RPS27: variants seen among roughly 807,000 people sequenced by gnomAD.
RPS27 encodes small ribosomal subunit protein eS27.
In RPS27, 1 loss-of-function variant was observed where a neutral mutation model predicts 11.8. That is an observed-to-expected ratio of 0.08 (90% CI 0.03 to 0.40). RPS27 has a LOEUF of 0.40. RPS27 is among the 10% of genes least tolerant of loss of function. The pLI is 0.98. For missense variants in RPS27, 44 were observed against 100.1 expected, an observed-to-expected ratio of 0.44 and a Z score of 2.39; for synonymous variants, 42 against 33.8, an observed-to-expected ratio of 1.24 and a Z score of -0.84.
Position 153,991,924 on chromosome 1 carries a change from G to A in RPS27, c.227-141G>A, listed in dbSNP as rs1649432668. On this transcript the variant is annotated intron_variant, in intron 3 of 3. Coordinates refer to ENST00000651669, the MANE Select transcript of RPS27 (RefSeq NM_001030.6). ...CTTAAGTTGATAGGAAGTAACCAGT[G>A]ATACAAATGCGCAGGTAGCTAAGAG... 6.1e-6 allele frequency: 5 copies of A among 825,724 alleles called. No individual in the cohort carries two copies. In the South Asian group the frequency reaches 7.4e-5, roughly 12 times the overall value. The allele number at this position is 825,724 out of a possible 1,614,324, so 51.1% of individuals were successfully genotyped here. A position where few individuals can be genotyped will look rare whatever the true frequency, so the allele number is the denominator to read the frequency against.
intron 2 of RPS27, 29 bp from the exon 3 acceptor site, chr1:153,991,537 G>GA: frequency 3.2e-6 from 5 of 1,559,182 alleles, no homozygotes; most frequent in East Asian, 4.5e-5. Flanking sequence ...TGTAATAGAG[G>GA]AAAAAAATGT....
At chr1:153,991,482 C>T in intron 2 of RPS27, 84 bp from the exon 3 acceptor site, 1 of 1,357,846 alleles carries the variant, frequency 7.4e-7, no homozygotes, top group South Asian at 1.2e-5. Flanking sequence ...TGTTGGGAAA[C>T]AATGTAATGG....
In RPS27 at chr1:153,992,023, C is replaced by G. The variant is rs369917516; in HGVS notation, c.227-42C>G. 2.5e-6 allele frequency: 4 copies of G among 1,596,654 alleles called. No homozygotes were observed. The African/African-American group carries it at 5.4e-5, about 21-fold the overall frequency. On this transcript the variant is annotated intron_variant, in intron 3 of 3. Transcript: ENST00000651669. Reference sequence around the variant, plus strand: ...TTTTTTGGGAGAGGTGGGCAGAATACCTGTACTGATGACAGCTAATCTCTG... The same window carrying G: ...TTTTTTGGGAGAGGTGGGCAGAATAGCTGTACTGATGACAGCTAATCTCTG...
At position 153,990,925 on chromosome 1, in the gene RPS27, C is replaced by A. The variant is rs1649360602; in HGVS notation, c.6+123C>A. On this transcript the variant is annotated intron_variant, in intron 1 of 3. Transcript: ENST00000651669. ...TCTGCACTTCTTAGGACATTAACTCCAGGGACCGCAGCGGCCCACGGGCCA... is the reference window on the plus strand; with the variant it reads ...TCTGCACTTCTTAGGACATTAACTCAAGGGACCGCAGCGGCCCACGGGCCA... 2.8e-6 allele frequency: 4 copies of A among 1,431,254 alleles called. No individual in the cohort carries two copies. In the East Asian group the frequency reaches 9.2e-5, roughly 33 times the overall value. The allele number at this position is 1,431,254 out of a possible 1,614,324, so 88.7% of individuals were successfully genotyped here. A position where few individuals can be genotyped will look rare whatever the true frequency, so the allele number is the denominator to read the frequency against.
In RPS27 at chr1:153,991,563, C is replaced by A. The variant is rs764487569; in HGVS notation, c.116-3C>A. Reference sequence around the variant, plus strand: ...AAAAAAATGTTATCTGCTTTTCTTTCAGGATGCTATAAAATCACCACGGTC... The same window carrying A: ...AAAAAAATGTTATCTGCTTTTCTTTAAGGATGCTATAAAATCACCACGGTC... On this transcript the variant is annotated splice_polypyrimidine_tract_variant and splice_region_variant and intron_variant, in intron 2 of 3. Coordinates refer to ENST00000651669, the MANE Select transcript of RPS27 (RefSeq NM_001030.6). 2.5e-6 allele frequency: 4 copies of A among 1,607,802 alleles called. No individual in the cohort carries two copies. The highest frequency in any genetic ancestry group is 2.2e-5 in the East Asian group (1 of 44,846).
chr1:153,991,807 G>C, intron 3 of RPS27, 131 bp downstream of exon 3: 2 of 695,314 alleles, frequency 2.9e-6, no homozygotes, highest in Admixed American at 2.8e-5. Context: ...AGAAGTGTTG[G>C]ATTTGGTTGT....
At chr1:153,990,828 C>T (rs777311959) in intron 1 of RPS27, 26 bp downstream of exon 1, 12 of 1,614,004 alleles carry the variant, frequency 7.4e-6, no homozygotes, top group Non-Finnish European at 1.0e-5. Context: ...CAGGTTTCGG[C>T]GGAGATCTCG....
intron 2 of RPS27, 117 bp downstream of exon 2, chr1:153,991,340 G>T (rs1160643667): frequency 6.6e-7 from 1 of 1,518,662 alleles, no homozygotes; most frequent in South Asian, 1.3e-5. Flanking sequence ...TTCTTCGCCT[G>T]TGGAAAATAT....
At chr1:153,990,983 T>C in intron 1 of RPS27, 132 bp from the exon 2 acceptor site, 1 of 1,176,128 alleles carries the variant, frequency 8.5e-7, no homozygotes, top group East Asian at 2.5e-5. Flanking sequence ...GGAGATAAGA[T>C]GGCGGCCCAG....
In RPS27 at chr1:153,991,550, T is replaced by G; in HGVS notation, c.116-16T>G. The G allele has an allele frequency of 6.3e-7, 1 of 1,592,690 alleles. No homozygotes were observed. The highest frequency in any genetic ancestry group is 8.6e-7 in the Non-Finnish European group (1 of 1,161,466). On this transcript the variant is annotated splice_polypyrimidine_tract_variant and intron_variant, in intron 2 of 3. Coordinates refer to ENST00000651669, the MANE Select transcript of RPS27 (RefSeq NM_001030.6). ...GGTGTAATAGAGGAAAAAAATGTTA[T>G]CTGCTTTTCTTTCAGGATGCTATAA...
intron 3 of RPS27, 52 bp from the exon 4 acceptor site, chr1:153,992,013 G>T (rs1475264689): frequency 1.9e-6 from 3 of 1,561,230 alleles, no homozygotes; most frequent in African/African-American, 1.4e-5. Context: ...TGGGAGAGGT[G>T]GGCAGAATAC....
At chr1:153,990,855 CT>C in intron 1 of RPS27, 53 bp downstream of exon 1, 1 of 1,611,964 alleles carries the variant, frequency 6.2e-7, no homozygotes. Context: ...TGTCCGAACT[CT>C]CCCCTCACGC....
chr1:153,992,044 C>G (rs964843893), intron 3 of RPS27, 21 bp from the exon 4 acceptor site: 2 of 1,612,472 alleles, frequency 1.2e-6, no homozygotes, highest in Admixed American at 1.7e-5. Context: ...GACAGCTAAT[C>G]TCTGAATCTT....
At chr1:153,991,452 A>T in intron 2 of RPS27, 114 bp from the exon 3 acceptor site, 1 of 1,359,426 alleles carries the variant, frequency 7.4e-7, no homozygotes, top group Non-Finnish European at 1.0e-6. Flanking sequence ...CATTTCACAT[A>T]CAACCCCTAC....
At chr1:153,991,786 AT>A in intron 3 of RPS27, 110 bp downstream of exon 3, 1 of 739,398 alleles carries the variant, frequency 1.4e-6, no homozygotes, top group Non-Finnish European at 2.3e-6. Context: ...TATAATGTAA[AT>A]TTTTAGACAA....
At chr1:153,991,795 C>T in intron 3 of RPS27, 119 bp downstream of exon 3, 1 of 717,636 alleles carries the variant, frequency 1.4e-6, no homozygotes, top group Admixed American at 2.8e-5. Context: ...AATTTTTAGA[C>T]AAGAAGTGTT....
chr1:153,991,975 TG>T (rs1649437024), intron 3 of RPS27, 89 bp from the exon 4 acceptor site: 22 of 1,146,924 alleles, frequency 1.9e-5, no homozygotes, highest in Non-Finnish European at 2.8e-5. Flanking sequence ...TAGCTTTCTG[TG>T]GGTGGATCAT....
chr1:153,991,505 G>C, intron 2 of RPS27, 61 bp from the exon 3 acceptor site: 1 of 1,389,676 alleles, frequency 7.2e-7, no homozygotes, highest in South Asian at 1.2e-5. Flanking sequence ...GATGAGTTGG[G>C]CATAAGTGCA....
chr1:153,991,976 G>GGGAGA (rs1649437114), intron 3 of RPS27, 89 bp from the exon 4 acceptor site: 1 of 1,155,014 alleles, frequency 8.7e-7, no homozygotes, highest in Admixed American at 1.8e-5. Flanking sequence ...AGCTTTCTGT[G>GGGAGA]GGTGGATCAT....
Sources: gnomAD v4.1 joint callset for allele counts on GRCh38, gnomAD v4.1.1 for gene constraint, MANE v1.5 for transcripts, NCBI Gene and HGNC (gene_info 2026-07-23, HGNC 2026-07-21) for gene names.